MYO1E: variants seen among roughly 807,000 people sequenced by gnomAD.
MYO1E encodes the protein unconventional myosin-Ie.
Under a neutral mutation model 151.1 loss-of-function variants are expected in MYO1E, and 68 were observed. That is an observed-to-expected ratio of 0.45 (90% CI 0.37 to 0.55). MYO1E has a LOEUF of 0.55. Ranked by LOEUF, MYO1E falls within the 20% of genes least tolerant of loss-of-function variation. The pLI is 0.00. For synonymous variants in MYO1E, 601 were observed against 501.7 expected (o/e 1.20, Z -2.64); for missense variants, 1,363 against 1,389.3 (o/e 0.98, Z 0.30).
chr15:59,286,101 A>G (rs1463100977), intron 1 of MYO1E, among the ~76,000 whole-genome samples: 1 of 152,254 alleles, frequency 6.6e-6, no homozygotes, highest in East Asian at 1.9e-4. Flanking sequence ...ACCCTGTACC[A>G]TGGAACAAAG....
At chr15:59,165,196 G>A (rs1051475523) in intron 22 of MYO1E, among the ~76,000 whole-genome samples, 7 of 152,124 alleles carry the variant, frequency 4.6e-5, no homozygotes, top group Non-Finnish European at 7.3e-5. Flanking sequence ...AAAAGAGGTC[G>A]AAGGAACCAC....
chr15:59,307,316 T>C (rs570114463), intron 1 of MYO1E, among the ~76,000 whole-genome samples: 1 of 152,192 alleles, frequency 6.6e-6, no homozygotes, highest in East Asian at 1.9e-4. Context: ...ACCAACACCC[T>C]GGGCCCGGGG....
chr15:59,296,848 T>C (rs1214648619), intron 1 of MYO1E, among the ~76,000 whole-genome samples: 1 of 149,522 alleles, frequency 6.7e-6, no homozygotes, highest in East Asian at 1.9e-4. Flanking sequence ...TCTTTTTTTT[T>C]TTTTTTTTTG....
chr15:59,177,483 T>G (rs1263472805), intron 19 of MYO1E, among the ~76,000 whole-genome samples: 1 of 152,202 alleles, frequency 6.6e-6, no homozygotes, highest in Non-Finnish European at 1.5e-5. Context: ...TGATTTCCCC[T>G]TGGTCTGATG....
At chr15:59,313,122 T>G (rs1248633604) in intron 1 of MYO1E, among the ~76,000 whole-genome samples, 1 of 152,210 alleles carries the variant, frequency 6.6e-6, no homozygotes, top group Non-Finnish European at 1.5e-5. Flanking sequence ...TGAGAACCAC[T>G]GCTTTAGTGA....
At chr15:59,288,547 C>T (rs1054334058) in intron 1 of MYO1E, among the ~76,000 whole-genome samples, 2 of 152,112 alleles carry the variant, frequency 1.3e-5, no homozygotes, top group Non-Finnish European at 2.9e-5. Flanking sequence ...GCTCACAGTA[C>T]CAGATGAGTA....
intron 1 of MYO1E, among the ~76,000 whole-genome samples, chr15:59,319,309 T>G (rs948693858): frequency 6.6e-6 from 1 of 152,042 alleles, no homozygotes; most frequent in Non-Finnish European, 1.5e-5. Context: ...AGTCTCCATC[T>G]GAAAAAACGA....
At chr15:59,292,622 C>G (rs1225233289) in intron 1 of MYO1E, among the ~76,000 whole-genome samples, 5 of 152,146 alleles carry the variant, frequency 3.3e-5, no homozygotes, top group African/African-American at 9.7e-5. Context: ...CTGAAAGGCC[C>G]CATTGTAAGG....
At chr15:59,263,329 A>T (rs868356893) in intron 2 of MYO1E, among the ~76,000 whole-genome samples, 15 of 152,260 alleles carry the variant, frequency 9.9e-5, no homozygotes, top group African/African-American at 3.1e-4. Context: ...ATTATAGAAC[A>T]CTCAGCACTG....
intron 1 of MYO1E, among the ~76,000 whole-genome samples, chr15:59,345,440 G>T (rs535956656): frequency 1.3e-5 from 2 of 152,144 alleles, no homozygotes; most frequent in African/African-American, 4.8e-5. Flanking sequence ...TGATTAGCTG[G>T]GACTACAGGC....
chr15:59,323,608 A>G (rs1186742384), intron 1 of MYO1E, among the ~76,000 whole-genome samples: 1 of 151,898 alleles, frequency 6.6e-6, no homozygotes, highest in Non-Finnish European at 1.5e-5. Context: ...AGAAGCCGAG[A>G]TCGCACCACT....
chr15:59,231,212 G>A (rs986966069), intron 6 of MYO1E, among the ~76,000 whole-genome samples: 1 of 152,192 alleles, frequency 6.6e-6, no homozygotes, highest in Non-Finnish European at 1.5e-5. Flanking sequence ...GCTGCGGTGG[G>A]CAGGCAGCTC....
At chr15:59,217,213 G>C (rs149820846) in intron 10 of MYO1E, among the ~76,000 whole-genome samples, 1 of 152,172 alleles carries the variant, frequency 6.6e-6, no homozygotes, top group African/African-American at 2.4e-5. Flanking sequence ...GTTTCAAGCC[G>C]CTAGGTTTTG....
intron 26 of MYO1E, among the ~76,000 whole-genome samples, chr15:59,144,575 G>A (rs907259999): frequency 3.9e-5 from 6 of 152,220 alleles, no homozygotes; most frequent in African/African-American, 1.4e-4. Context: ...GATTACAGGT[G>A]TAAGCCACCG....
At chr15:59,309,636 C>T (rs930196930) in intron 1 of MYO1E, among the ~76,000 whole-genome samples, 3 of 152,278 alleles carry the variant, frequency 2.0e-5, no homozygotes, top group East Asian at 3.9e-4. Flanking sequence ...GCAGTAGCTG[C>T]CATTCCCTGA....
At chr15:59,284,111 C>T (rs1455412743) in intron 1 of MYO1E, among the ~76,000 whole-genome samples, 1 of 152,342 alleles carries the variant, frequency 6.6e-6, no homozygotes, top group African/African-American at 2.4e-5. Context: ...ATGTCTGCCC[C>T]CTGCCATGTC....
At chr15:59,327,782 G>A (rs964346031) in intron 1 of MYO1E, among the ~76,000 whole-genome samples, 4 of 152,128 alleles carry the variant, frequency 2.6e-5, no homozygotes, top group African/African-American at 9.7e-5. Context: ...TGTCAGATTC[G>A]ATGTATTTTT....
intron 4 of MYO1E, among the ~76,000 whole-genome samples, chr15:59,254,993 T>C (rs2080185950): frequency 6.6e-6 from 1 of 152,060 alleles, no homozygotes. Context: ...ACCTGGCTAA[T>C]TTTTGTATTT....
rs183456568 is a variant in MYO1E at position 59,136,515 on chromosome 15, C to A, written c.*865G>T. On this transcript the variant is annotated 3_prime_UTR_variant, in exon 28 of 28. Coordinates refer to ENST00000288235, the MANE Select transcript of MYO1E (RefSeq NM_004998.4). The stretch of plus-strand genomic sequence containing the variant: ...AAAAGCAGAGCACATCTTTAAGTAC[C>A]TGGTGTGAGTTTTGTAAGAAAACCT... 9.4e-6 allele frequency: 3 copies of A among 317,598 alleles called. No individual in the cohort carries two copies. Among genetic ancestry groups the A allele is most frequent in the African/African-American group, 6.5e-5 (3 of 46,448 alleles). The allele number at this position is 317,598 out of a possible 1,614,324, so 19.7% of individuals were successfully genotyped here. A position where few individuals can be genotyped will look rare whatever the true frequency, so the allele number is the denominator to read the frequency against.
Sources: gnomAD v4.1 joint callset for allele counts (sites outside exome capture counted in the v4.1 genomes callset) on GRCh38, gnomAD v4.1.1 for gene constraint, MANE v1.5 for transcripts, NCBI Gene and HGNC (gene_info 2026-07-23, HGNC 2026-07-21) for gene names.